The following JPH3 variants were observed in gnomAD, a reference collection of about 807,000 sequenced individuals.
JPH3 encodes the protein junctophilin 3.
JPH3 carries 11 observed loss-of-function variants against 59.6 expected under a neutral mutation model. The observed-to-expected ratio is 0.18, with a 90% CI of 0.12 to 0.31. The LOEUF is 0.31. Ranked by LOEUF, JPH3 falls within the 10% of genes least tolerant of loss-of-function variation. The probability of loss-of-function intolerance (pLI) is 1.00; values close to 1 mark genes in which losing one functional copy is unlikely to be tolerated. For synonymous variants in JPH3, 673 were observed against 483.6 expected, an observed-to-expected ratio of 1.39 and a Z score of -5.14; for missense variants, 1,202 against 1,105.7, an observed-to-expected ratio of 1.09 and a Z score of -1.24.
intron 1 of JPH3, among the ~76,000 whole-genome samples, chr16:87,619,665 G>A (rs993095561): frequency 1.3e-5 from 2 of 152,232 alleles, no homozygotes; most frequent in Non-Finnish European, 2.9e-5. Flanking sequence ...TGCAGGCAGA[G>A]GGAGGAGCCA....
chr16:87,602,419 CGGGGGCGGGGGCGGGGGCG>C (rs1335870826), upstream of JPH3, among the ~76,000 whole-genome samples: 151 of 4,332 alleles, frequency 0.035, no homozygotes, highest in Non-Finnish European at 0.055. Flanking sequence ...GCTCCGGGGG[CGGGGGCGGGGGCGGGGGCG>C]GGGGGCGGGG....
At position 87,603,188 on chromosome 16, in the gene JPH3, C is replaced by T; in HGVS notation, c.42C>T (p.Ser14=). 6.2e-7 allele frequency: 1 copy of T among 1,613,952 alleles called. No individual in the cohort carries two copies. Among genetic ancestry groups the T allele is most frequent in the Non-Finnish European group, 8.5e-7 (1 of 1,179,920 alleles). ...GGTTTAATTTTGACGACGGAGGGTC[C>T]TACTGTGGAGGCTGGGAGGACGGCA... ...GGRFNFDDGG[S]YCGGWEDGKA... The change falls in exon 1 of 5, where the codon TCC becomes TCT. Residue 14 remains serine, a synonymous_variant. Transcript: ENST00000284262.
At chr16:87,678,142 G>A (rs985750114) in intron 2 of JPH3, among the ~76,000 whole-genome samples, 67 of 152,202 alleles carry the variant, frequency 4.4e-4, no homozygotes, top group African/African-American at 1.6e-3. Flanking sequence ...TTGGGTGGCT[G>A]AAGTGGAAGG....
chr16:87,689,400 C>T (rs987461441), intron 3 of JPH3, among the ~76,000 whole-genome samples: 2 of 152,186 alleles, frequency 1.3e-5, no homozygotes, highest in Admixed American at 6.5e-5. Flanking sequence ...GCTGTCCGCC[C>T]TTCCTGTGGT....
Position 87,698,045 on chromosome 16 carries a change from ATGTTTAGC to A in JPH3, c.*1391_*1398del. On this transcript the variant is annotated 3_prime_UTR_variant, in exon 5 of 5. Coordinates refer to ENST00000284262, the MANE Select transcript of JPH3 (RefSeq NM_020655.4). ...TTATGGACTCTGCCTTGCTTTGCTT[ATGTTTAGC>A]TGTTTCTCTGCTACCTTTCGAGCAG... 1 of 152,624 alleles carries A rather than the reference ATGTTTAGC, an allele frequency of 6.6e-6. No individual in the cohort carries two copies. The highest frequency in any genetic ancestry group is 2.4e-5 in the African/African-American group (1 of 41,442). The allele number at this position is 152,624 out of a possible 1,614,324, so 9.5% of individuals were successfully genotyped here.
At chr16:87,609,308 C>G (rs1159348488) in intron 1 of JPH3, among the ~76,000 whole-genome samples, 1 of 151,976 alleles carries the variant, frequency 6.6e-6, no homozygotes, top group Non-Finnish European at 1.5e-5. Context: ...ACCCTGTAGC[C>G]CAAGGTGGAG....
rs555206817 is a variant in JPH3 at position 87,681,134 on chromosome 16, G to A, written c.1161-3008G>A. On this transcript the variant is annotated intron_variant, in intron 2 of 4. Transcript: ENST00000284262. ...GATAGTTCCGGGAGGTCAGGTGCGC[G>A]CGGTGATGACAGTTCCGGAAGGTCA... 8.9e-4 allele frequency among the ~76,000 whole-genome samples: 134 copies of A among 150,680 alleles called. 1 individual carries two copies. In the Middle Eastern group the frequency reaches 0.011, roughly 12 times the overall value.
chr16:87,604,201 C>T (rs753020632), intron 1 of JPH3: 1 of 1,421,546 alleles, frequency 7.0e-7, no homozygotes, highest in Non-Finnish European at 9.3e-7. Flanking sequence ...ATCGTTTTCA[C>T]CATTAGTTGA....
chr16:87,604,190 C>G (rs1157218132), intron 1 of JPH3: 1 of 1,407,908 alleles, frequency 7.1e-7, no homozygotes, highest in Non-Finnish European at 9.4e-7. Context: ...TCAGTGGCTG[C>G]ATCGTTTTCA....
At chr16:87,656,688 G>T (rs55665770) in intron 2 of JPH3, among the ~76,000 whole-genome samples, 28,660 of 152,166 alleles carry the variant, frequency 0.19, 3,090 homozygotes, top group East Asian at 0.31. Flanking sequence ...GACAGAGGAC[G>T]AGGAGGAACG....
chr16:87,627,086 C>T (rs537912709), intron 1 of JPH3, among the ~76,000 whole-genome samples: 34 of 152,382 alleles, frequency 2.2e-4, no homozygotes, highest in Non-Finnish European at 3.7e-4. Flanking sequence ...GCCCCAGCCC[C>T]GCTGAATCAG....
In JPH3 at chr16:87,649,326, T is replaced by G. The variant is rs185988306; in HGVS notation, c.1160+4291T>G. 5.3e-5 allele frequency among the ~76,000 whole-genome samples: 8 copies of G among 152,282 alleles called. 1 individual carries two copies. The highest frequency in any genetic ancestry group is 1.9e-4 in the African/African-American group (8 of 41,570). On this transcript the variant is annotated intron_variant, in intron 2 of 4. Coordinates refer to ENST00000284262, the MANE Select transcript of JPH3 (RefSeq NM_020655.4). ...TTCGGCCCCTCCTGCCTTCACACAC[T>G]CAAGACGTTTTCATGACTCATCTCC...
Position 87,677,220 on chromosome 16 carries a change from ACACAC to A in JPH3, c.1161-6921_1161-6917del, listed in dbSNP as rs200970311. ...CACACACACACACACACACACACACACACACAAAAAAAAAAATTAGCCGGGTGTGG... is the reference window on the plus strand; with the variant it reads ...CACACACACACACACACACACACACAAAAAAAAAAAATTAGCCGGGTGTGG... On this transcript the variant is annotated intron_variant, in intron 2 of 4. Transcript: ENST00000284262. Among the ~76,000 whole-genome samples the A allele has an allele frequency of 7.2e-3, 906 of 125,182 alleles. 11 individuals are homozygous for A. Among genetic ancestry groups the A allele is most frequent in the Non-Finnish European group, 0.011 (665 of 61,320 alleles). The allele number at this position is 125,182 out of a possible 152,430, so 82.1% of individuals were successfully genotyped here. A position where few individuals can be genotyped will look rare whatever the true frequency, so the allele number is the denominator to read the frequency against.
chr16:87,637,981 A>G (rs113277512), intron 1 of JPH3, among the ~76,000 whole-genome samples: 5,780 of 152,200 alleles, frequency 0.038, 120 homozygotes, highest in South Asian at 0.055. Flanking sequence ...CAGTGGCACA[A>G]TCTTGGCTCA....
intron 1 of JPH3, among the ~76,000 whole-genome samples, chr16:87,610,560 AT>A (rs1476372058): frequency 1.3e-5 from 2 of 152,052 alleles, no homozygotes; most frequent in Non-Finnish European, 2.9e-5. Flanking sequence ...GTTTACCGTC[AT>A]TATTTCGTAT....
rs35223962 is a variant in JPH3, at chr16:87,622,979, AG to A, written c.382+19457del. On this transcript the variant is annotated intron_variant, in intron 1 of 4. Transcript: ENST00000284262. ...ATGGCCGCTACTACCTGGGTCCCAC[AG>A]GGGGGTAAGTTCAGAGGGGGACCTG... 3.3e-5 allele frequency among the ~76,000 whole-genome samples: 5 copies of A among 152,180 alleles called. No individual in the cohort carries two copies. In the South Asian group the frequency reaches 1.0e-3, roughly 32 times the overall value.
At chr16:87,608,158 G>C (rs992580384) in intron 1 of JPH3, among the ~76,000 whole-genome samples, 1 of 152,222 alleles carries the variant, frequency 6.6e-6, no homozygotes, top group Non-Finnish European at 1.5e-5. Context: ...GAAGGAGAGA[G>C]AGAACTCTGA....
intron 1 of JPH3, among the ~76,000 whole-genome samples, chr16:87,639,599 TCCTCCCTCCTGTCCTCCCTCCTGG>T (rs1158427471): frequency 2.0e-5 from 3 of 149,912 alleles, no homozygotes; most frequent in Non-Finnish European, 4.4e-5. Flanking sequence ...TCACTGCCTG[TCCTCCCTCCTGTCCTCCCTCCTGG>T]CCTCCCTCCT....
chr16:87,687,046 C>T (rs1258588554), intron 3 of JPH3, among the ~76,000 whole-genome samples: 2 of 152,192 alleles, frequency 1.3e-5, no homozygotes, highest in Admixed American at 6.5e-5. Flanking sequence ...GCGTTGGGAC[C>T]GTGTGTTTTT....
Sources: gnomAD v4.1 joint callset for allele counts (sites outside exome capture counted in the v4.1 genomes callset) on GRCh38, gnomAD v4.1.1 for gene constraint, MANE v1.5 for transcripts, NCBI Gene and HGNC (gene_info 2026-07-23, HGNC 2026-07-21) for gene names.